FBXW10: variants seen among roughly 807,000 people sequenced by gnomAD.
The protein encoded by FBXW10 is F-box/WD repeat-containing protein 10.
In FBXW10, 68 loss-of-function variants were observed where a neutral mutation model predicts 113.1. The observed-to-expected ratio is 0.60, with a 90% CI of 0.49 to 0.74. FBXW10 has a LOEUF of 0.74. Among genes scored for constraint, FBXW10 ranks in the 30% least tolerant of loss-of-function variants. The pLI, the probability that FBXW10 is intolerant of heterozygous loss-of-function variation, is 0.00. For synonymous variants in FBXW10, 289 were observed against 481.6 expected (o/e 0.60, Z 5.24); for missense variants, 753 against 1,284.5 (o/e 0.59, Z 6.32).
At position 18,750,030 on chromosome 17, in the gene FBXW10, C is replaced by G; in HGVS notation, c.892C>G (p.Leu298Val). The part of the protein sequence containing the change: ...YILRMLDRHT[L>V]NKCASVSQHW... Reference sequence around the variant, plus strand: ...TCCAGGAATGCTGGATAGACACACCCTGAACAAGTGCGCCTCTGTGAGCCA... The same window carrying G: ...TCCAGGAATGCTGGATAGACACACCGTGAACAAGTGCGCCTCTGTGAGCCA... Residue 298 changes from leucine (L) to valine (V), a missense_variant, in exon 4 of 14, where the codon CTG (leucine) becomes GTG (valine). Transcript: ENST00000395665. 1 of 1,613,964 alleles carries G rather than the reference C, an allele frequency of 6.2e-7. No homozygotes were observed.
intron 2 of FBXW10, among the ~76,000 whole-genome samples, chr17:18,748,408 CAAAAAA>C: frequency 1.9e-5 from 1 of 51,408 alleles, no homozygotes; most frequent in African/African-American, 6.4e-5. Context: ...GAGACTGTCT[CAAAAAA>C]AAAAAAAAAA....
At chr17:18,757,978 A>C (rs991905416) in intron 6 of FBXW10, among the ~76,000 whole-genome samples, 5 of 152,216 alleles carry the variant, frequency 3.3e-5, no homozygotes, top group African/African-American at 9.6e-5. Flanking sequence ...TCCAAGAAAA[A>C]AGGTTTCCGT....
chr17:18,755,278 C>T (rs954564689), intron 5 of FBXW10, among the ~76,000 whole-genome samples: 3 of 144,906 alleles, frequency 2.1e-5, no homozygotes, highest in Admixed American at 6.9e-5. Context: ...AAATTGCGGC[C>T]GGGCCTGGTG....
intron 2 of FBXW10, among the ~76,000 whole-genome samples, chr17:18,748,366 A>G (rs2035086026): frequency 6.9e-6 from 1 of 145,014 alleles, no homozygotes; most frequent in Admixed American, 7.2e-5. Flanking sequence ...AGCCGAGATC[A>G]TGCCACTGCA....
intron 7 of FBXW10, 36 bp from the exon 8 acceptor site, chr17:18,764,706 A>C: frequency 6.2e-7 from 1 of 1,613,736 alleles, no homozygotes; most frequent in Non-Finnish European, 8.5e-7. Flanking sequence ...CTGGGCCCTC[A>C]GGAACTCTCA....
rs1597585073 is a variant in FBXW10, at chr17:18,744,948, C to T, written c.505+199C>T. The T allele has an allele frequency of 9.0e-6, 13 of 1,441,014 alleles. No homozygotes were observed. The East Asian group carries it at 3.3e-4, about 36-fold the overall frequency. 89.3% of individuals were successfully genotyped at this position (1,441,014 alleles called of 1,614,324 possible). A position where few individuals can be genotyped will look rare whatever the true frequency, so the allele number is the denominator to read the frequency against. ...AGGAGAAATGACTGAGTGTAACTTC[C>T]TTCTTGAAAATGATCAATGCAGGAG... On this transcript the variant is annotated intron_variant, in intron 1 of 13. Transcript: ENST00000395665.
intron 2 of FBXW10, among the ~76,000 whole-genome samples, chr17:18,749,496 G>A (rs1048737204): frequency 1.3e-5 from 2 of 152,036 alleles, no homozygotes; most frequent in African/African-American, 2.4e-5. Flanking sequence ...GCAGTGAGCC[G>A]AGATCGCGCC....
rs775778020 is a variant in FBXW10, at chr17:18,750,953, A to T, written c.1022A>T (p.Asp341Val). The change falls in exon 5 of 14, where the codon GAT becomes GTT. Residue 341 changes from aspartate (D) to valine (V), a missense_variant. Coordinates refer to ENST00000395665, the MANE Select transcript of FBXW10 (RefSeq NM_001267585.2). Reference sequence around the variant, plus strand: ...CAGGGGTCCTACACAAGAGGAATTGATCCTAATTATGCCAATAAGGTTTCT... The same window carrying T: ...CAGGGGTCCTACACAAGAGGAATTGTTCCTAATTATGCCAATAAGGTTTCT... ...FLQGSYTRGI[D>V]PNYANKVSIP... The T allele has an allele frequency of 6.2e-7, 1 of 1,614,060 alleles. No homozygotes were observed. Among genetic ancestry groups the T allele is most frequent in the Non-Finnish European group, 8.5e-7 (1 of 1,179,986 alleles).
At chr17:18,766,213 G>C (rs1291863295) in intron 8 of FBXW10, among the ~76,000 whole-genome samples, 1 of 152,056 alleles carries the variant, frequency 6.6e-6, no homozygotes, top group East Asian at 1.9e-4. Context: ...ATGTAAGTGA[G>C]GGTAGATGAC....
chr17:18,767,656 A>T (rs928000687), intron 9 of FBXW10, among the ~76,000 whole-genome samples: 7 of 152,134 alleles, frequency 4.6e-5, no homozygotes, highest in African/African-American at 1.7e-4. Context: ...GTGTTGATAT[A>T]TGATTTGCAG....
At chr17:18,767,404 A>G (rs1003674456) in intron 9 of FBXW10, among the ~76,000 whole-genome samples, 1 of 149,674 alleles carries the variant, frequency 6.7e-6, no homozygotes, top group Non-Finnish European at 1.5e-5. Context: ...TGCTTGAACC[A>G]GGGAGGCAGA....
intron 5 of FBXW10, among the ~76,000 whole-genome samples, chr17:18,755,118 C>T (rs2035234162): frequency 6.6e-6 from 1 of 151,784 alleles, no homozygotes; most frequent in African/African-American, 2.4e-5. Flanking sequence ...CAAAAATTAG[C>T]CAGGCGTGGT....
chr17:18,772,796 G>A (rs923706211), intron 12 of FBXW10, 113 bp downstream of exon 12: 3 of 903,008 alleles, frequency 3.3e-6, no homozygotes, highest in Non-Finnish European at 5.2e-6. Context: ...ATTTTGGCCA[G>A]TGGTTTCCTG....
chr17:18,775,020 G>A (rs2035677138), intron 12 of FBXW10, 116 bp from the exon 13 acceptor site: 1 of 661,498 alleles, frequency 1.5e-6, no homozygotes, highest in African/African-American at 1.8e-5. Flanking sequence ...AAACAAGATA[G>A]TGATATTTTG....
intron 5 of FBXW10, among the ~76,000 whole-genome samples, chr17:18,753,318 G>C (rs9892842): frequency 6.6e-6 from 1 of 151,952 alleles, no homozygotes; most frequent in Non-Finnish European, 1.5e-5. Context: ...AGACTCGGGG[G>C]TATGCCTGCA....
In FBXW10 at chr17:18,768,640, A is replaced by C; in HGVS notation, c.1811A>C (p.Lys604Thr). Residue 604 changes from lysine (K) to threonine (T), a missense_variant, in exon 10 of 14, where the codon AAG becomes ACG. Physicochemically the swap from Lys to Thr is moderately conservative, Grantham distance 78. Coordinates refer to ENST00000395665, the MANE Select transcript of FBXW10 (RefSeq NM_001267585.2). ...GTCATGGCCTGGAGCATGGTGGGGAAGTACGAGCGCTGCCTGATGGCCTTC... is the reference window on the plus strand; with the variant it reads ...GTCATGGCCTGGAGCATGGTGGGGACGTACGAGCGCTGCCTGATGGCCTTC... ...GLVMAWSMVG[K>T]YERCLMAFKH... The C allele has an allele frequency of 6.2e-7, 1 of 1,613,936 alleles. No individual in the cohort carries two copies. The highest frequency in any genetic ancestry group is 8.5e-7 in the Non-Finnish European group (1 of 1,179,876).
At chr17:18,765,077 A>G (rs992415198) in intron 8 of FBXW10, among the ~76,000 whole-genome samples, 8 of 152,034 alleles carry the variant, frequency 5.3e-5, no homozygotes, top group African/African-American at 9.7e-5. Context: ...CAAGCTACAC[A>G]CTGAGCTAAG....
Position 18,778,631 on chromosome 17 carries a change from T to C in FBXW10, c.2492T>C (p.Phe831Ser). The C allele has an allele frequency of 6.2e-7, 1 of 1,613,674 alleles. No homozygotes were observed. Among genetic ancestry groups the C allele is most frequent in the Non-Finnish European group, 8.5e-7 (1 of 1,179,664 alleles). Reference protein sequence around the residue: ...ALQHAHNSGEFAYPCRPQTEI... With the variant: ...ALQHAHNSGESAYPCRPQTEI... ...CAGCACGCCCATAATTCCGGGGAATTTGCCTATCCCTGTAGGCCCCAAACA... is the reference window on the plus strand; with the variant it reads ...CAGCACGCCCATAATTCCGGGGAATCTGCCTATCCCTGTAGGCCCCAAACA... The change falls in exon 14 of 14, where the codon TTT becomes TCT. Residue 831 changes from phenylalanine to serine, a missense_variant. Phe to Ser is a radical substitution (Grantham distance 155, BLOSUM62 -2). Transcript: ENST00000395665.
rs1232653431 is a variant in FBXW10, at chr17:18,747,959, C to T, written c.524C>T (p.Thr175Ile). The change falls in exon 2 of 14, where the codon ACA becomes ATA. Residue 175 changes from threonine to isoleucine, a missense_variant. Physicochemically the swap from Thr to Ile is moderately conservative, Grantham distance 89. Coordinates refer to ENST00000395665, the MANE Select transcript of FBXW10 (RefSeq NM_001267585.2). The stretch of plus-strand genomic sequence containing the variant: ...GTTTCAGGGCTCAATCAAGACATCA[C>T]AGATGTGTGTTTTTCCCCTGAGAAA... ...NNISGLNQDI[T>I]DVCFSPEKDH... 2.5e-6 allele frequency: 4 copies of T among 1,613,932 alleles called. No homozygotes were observed. The South Asian group carries it at 3.3e-5, about 13-fold the overall frequency.
Sources: gnomAD v4.1 joint callset for allele counts (sites outside exome capture counted in the v4.1 genomes callset) on GRCh38, gnomAD v4.1.1 for gene constraint, MANE v1.5 for transcripts, NCBI Gene and HGNC (gene_info 2026-07-23, HGNC 2026-07-21) for gene names.